VIT: variants seen among roughly 807,000 people sequenced by gnomAD.
VIT encodes the protein vitrin.
A neutral mutation model predicts 78.0 loss-of-function variants in VIT; 99 were observed. The observed-to-expected ratio is 1.27, with a 90% CI of 1.08 to 1.50. The LOEUF is 1.50. Ranked by LOEUF, VIT falls within the 40% of genes most tolerant of loss-of-function variation. The probability of loss-of-function intolerance (pLI) is 0.00; values close to 1 mark genes in which losing one functional copy is unlikely to be tolerated. For missense variants in VIT, 1,126 were observed against 875.3 expected (o/e 1.29, Z -3.61); for synonymous variants, 374 against 334.3 (o/e 1.12, Z -1.29).
chr2:36,736,952 G>T (rs1318072156), intron 3 of VIT, among the ~76,000 whole-genome samples: 1 of 152,146 alleles, frequency 6.6e-6, no homozygotes, highest in Non-Finnish European at 1.5e-5. Context: ...TACTCTAAGA[G>T]CTTTTTTTAT....
chr2:36,713,020 G>A (rs1281543072), intron 1 of VIT, among the ~76,000 whole-genome samples: 1 of 152,114 alleles, frequency 6.6e-6, no homozygotes, highest in Non-Finnish European at 1.5e-5. Context: ...TGCCCTTTTG[G>A]AGCTTGCATC....
At chr2:36,803,672 G>C (rs1438944977) in intron 13 of VIT, among the ~76,000 whole-genome samples, 1 of 152,222 alleles carries the variant, frequency 6.6e-6, no homozygotes, top group Non-Finnish European at 1.5e-5. Flanking sequence ...TGCAGCATCT[G>C]TATATGTAAC....
intron 4 of VIT, among the ~76,000 whole-genome samples, chr2:36,747,405 C>G (rs1028995431): frequency 5.3e-5 from 8 of 152,156 alleles, no homozygotes; most frequent in African/African-American, 1.9e-4. Context: ...TTGAAGTCCC[C>G]TACTATTATC....
chr2:36,804,495 G>A (rs988266414), intron 13 of VIT, among the ~76,000 whole-genome samples: 5 of 152,194 alleles, frequency 3.3e-5, no homozygotes, highest in Non-Finnish European at 5.9e-5. Flanking sequence ...GCTGGCTTAG[G>A]GGCTTAGTGT....
intron 12 of VIT, chr2:36,787,936 G>C: frequency 2.6e-6 from 1 of 382,628 alleles, no homozygotes; most frequent in Non-Finnish European, 5.2e-6. Flanking sequence ...GAGGGCTCGT[G>C]TTGACATCCA....
At chr2:36,778,384 G>A (rs546809884) in intron 9 of VIT, among the ~76,000 whole-genome samples, 1 of 152,110 alleles carries the variant, frequency 6.6e-6, no homozygotes, top group Non-Finnish European at 1.5e-5. Context: ...CAGGGGTGGT[G>A]GGCTCCTGAT....
rs935823902 is a variant in VIT, at chr2:36,716,973, G to A, written c.52+551G>A. Among the ~76,000 whole-genome samples the A allele has an allele frequency of 8.2e-5, 12 of 146,642 alleles. No individual in the cohort carries two copies. The Admixed American group carries it at 8.3e-4, about 10-fold the overall frequency. The stretch of plus-strand genomic sequence containing the variant: ...CTCACTGCAACCTCTGCCTCCCAGG[G>A]TCAAGCGATTCTCCCACCTCAGCCT... On this transcript the variant is annotated intron_variant, in intron 2 of 15. Transcript: ENST00000379242.
chr2:36,798,396 G>A (rs992611183), intron 12 of VIT, among the ~76,000 whole-genome samples: 4 of 152,198 alleles, frequency 2.6e-5, no homozygotes, highest in Non-Finnish European at 4.4e-5. Context: ...GCCAGGACCT[G>A]AGGGATGGGG....
chr2:36,765,435 A>AGAGAG (rs1553372934), intron 6 of VIT, among the ~76,000 whole-genome samples: 37,088 of 134,926 alleles, frequency 0.27, 6,341 homozygotes, highest in East Asian at 0.54. Context: ...GAGAGAGAGA[A>AGAGAG]AGAGAGAGAG....
intron 11 of VIT, among the ~76,000 whole-genome samples, chr2:36,785,934 C>A (rs1465071357): frequency 6.6e-6 from 1 of 152,258 alleles, no homozygotes; most frequent in African/African-American, 2.4e-5. Context: ...TTGCTTTCAT[C>A]TTTAAAACAA....
At chr2:36,795,368 TATTTTATTTTATTTTA>T (rs1665810875) in intron 12 of VIT, among the ~76,000 whole-genome samples, 2 of 67,328 alleles carry the variant, frequency 3.0e-5, no homozygotes, top group East Asian at 8.3e-3. Context: ...TTATTTTATT[TATTTTATTTTATTTTA>T]TATTTTATTT....
chr2:36,715,553 A>G (rs997061558), intron 1 of VIT, among the ~76,000 whole-genome samples: 9 of 152,270 alleles, frequency 5.9e-5, no homozygotes, highest in African/African-American at 2.2e-4. Context: ...AAATAAAAAA[A>G]AAAAAGATTT....
At position 36,814,291 on chromosome 2, in the gene VIT, A is replaced by C; in HGVS notation, c.2012A>C (p.Asn671Thr). 6.2e-7 allele frequency: 1 copy of C among 1,614,084 alleles called. No homozygotes were observed. The highest frequency in any genetic ancestry group is 8.5e-7 in the Non-Finnish European group (1 of 1,180,014). ...TCCTTCTTTGTGGACGAGTTTGACA[A>C]CCTCCATCAGTATGTCCCCAGGATC... ...DHSFFVDEFD[N>T]LHQYVPRIIQ... The change falls in exon 16 of 16, where the codon AAC (asparagine) becomes ACC (threonine). Residue 671 changes from asparagine to threonine, a missense_variant. Physicochemically the swap from Asn to Thr is moderately conservative, Grantham distance 65. Transcript: ENST00000379242.
At chr2:36,698,836 C>T (rs1354018440) in intron 1 of VIT, among the ~76,000 whole-genome samples, 4 of 151,784 alleles carry the variant, frequency 2.6e-5, no homozygotes, top group African/African-American at 9.7e-5. Flanking sequence ...CCCAGCTACT[C>T]GGGAGGCTGA....
chr2:36,730,254 C>T (rs1667111584), intron 3 of VIT, among the ~76,000 whole-genome samples: 1 of 150,964 alleles, frequency 6.6e-6, no homozygotes, highest in Admixed American at 6.6e-5. Flanking sequence ...TACCACTGAA[C>T]TCCAGCCTGG....
chr2:36,751,293 G>C (rs1668445841), intron 4 of VIT, among the ~76,000 whole-genome samples: 1 of 152,188 alleles, frequency 6.6e-6, no homozygotes, highest in African/African-American at 2.4e-5. Flanking sequence ...CTACTCAGGA[G>C]GCTGAGGCAC....
intron 15 of VIT, among the ~76,000 whole-genome samples, chr2:36,810,524 C>CTAA (rs1369001837): frequency 6.6e-6 from 1 of 152,102 alleles, no homozygotes; most frequent in Non-Finnish European, 1.5e-5. Flanking sequence ...AATACTACTA[C>CTAA]TAATAAAAGT....
chr2:36,812,428 G>C (rs1572592563), intron 15 of VIT, among the ~76,000 whole-genome samples: 1 of 151,734 alleles, frequency 6.6e-6, no homozygotes, highest in East Asian at 1.9e-4. Flanking sequence ...GGCTATTGTA[G>C]AGTAAGGTCA....
Position 36,805,587 on chromosome 2 carries a change from A to C in VIT, c.1312A>C (p.Asn438His). ...ASRLARESGI[N>H]IFFITIEGAA... is the part of the protein sequence containing the mutation. ...AAGACTTGCGAGAGAGTCAGGAATCAACATTTTCTTCATCACCATTGAAGG... is the reference window on the plus strand; with the variant it reads ...AAGACTTGCGAGAGAGTCAGGAATCCACATTTTCTTCATCACCATTGAAGG... The change falls in exon 14 of 16, where the codon AAC becomes CAC. Residue 438 changes from asparagine (N) to histidine (H), a missense_variant. By Grantham distance (68) the Asn-to-His change is moderately conservative. Transcript: ENST00000379242. The C allele has an allele frequency of 1.9e-6, 3 of 1,614,200 alleles. No homozygotes were observed. Among genetic ancestry groups the C allele is most frequent in the Non-Finnish European group, 2.5e-6 (3 of 1,180,040 alleles).
Sources: allele counts gnomAD v4.1 joint callset (sites outside exome capture counted in the v4.1 genomes callset), GRCh38; gene constraint gnomAD v4.1.1; transcripts MANE v1.5; gene names NCBI Gene and HGNC (gene_info 2026-07-23, HGNC 2026-07-21).